Variants in PPARGC1B observed in about 807,000 individuals in gnomAD.
PPARGC1B encodes peroxisome proliferator-activated receptor gamma coactivator 1-beta.
Under a neutral mutation model 101.6 loss-of-function variants are expected in PPARGC1B, and 34 were observed. That is an observed-to-expected ratio of 0.33 (90% CI 0.25 to 0.45). The LOEUF (loss-of-function observed/expected upper bound fraction) is 0.45. Ranked by LOEUF, PPARGC1B falls within the 20% of genes least tolerant of loss-of-function variation. PPARGC1B has a pLI of 1.00. For synonymous variants in PPARGC1B, 548 were observed against 539.3 expected (o/e 1.02, Z -0.22); for missense variants, 1,234 against 1,317.6 (o/e 0.94, Z 0.98).
At chr5:149,746,364 T>A (rs530171628) in intron 1 of PPARGC1B, among the ~76,000 whole-genome samples, 46 of 152,358 alleles carry the variant, frequency 3.0e-4, no homozygotes, top group Admixed American at 4.6e-4. Context: ...ATTTGTCTTT[T>A]TGTGGCTGGC....
chr5:149,786,666 A>T (rs10747516), intron 1 of PPARGC1B, among the ~76,000 whole-genome samples: 68,089 of 152,132 alleles, frequency 0.45, 15,492 homozygotes, highest in East Asian at 0.7. Context: ...ACTGGACATG[A>T]GCTGCTGATG....
intron 1 of PPARGC1B, among the ~76,000 whole-genome samples, chr5:149,736,597 CT>C (rs1292451870): frequency 6.6e-6 from 1 of 152,146 alleles, no homozygotes; most frequent in Non-Finnish European, 1.5e-5. Flanking sequence ...CTGTTTGTAA[CT>C]AGATTCCTGC....
intron 1 of PPARGC1B, among the ~76,000 whole-genome samples, chr5:149,742,982 T>A (rs1754961955): frequency 6.6e-6 from 1 of 151,414 alleles, no homozygotes; most frequent in Non-Finnish European, 1.5e-5. Context: ...GGGCTCAGAG[T>A]GGTGCCCTCA....
chr5:149,777,595 C>T (rs994165097), intron 1 of PPARGC1B, among the ~76,000 whole-genome samples: 1 of 152,028 alleles, frequency 6.6e-6, no homozygotes. Context: ...CTCATGGGTC[C>T]CAGAGGCCTC....
intron 2 of PPARGC1B, among the ~76,000 whole-genome samples, chr5:149,822,439 G>C (rs1317740266): frequency 6.6e-6 from 1 of 152,180 alleles, no homozygotes; most frequent in Non-Finnish European, 1.5e-5. Flanking sequence ...GACTAGACTA[G>C]CTCTATCCAT....
chr5:149,842,186 G>A, intron 9 of PPARGC1B, 70 bp from the exon 10 acceptor site: 2 of 1,587,226 alleles, frequency 1.3e-6, no homozygotes, highest in Non-Finnish European at 1.7e-6. Context: ...CTCCACGGGA[G>A]CCCACTCCCA....
At chr5:149,780,546 CTGT>C (rs932921130) in intron 1 of PPARGC1B, among the ~76,000 whole-genome samples, 3 of 152,164 alleles carry the variant, frequency 2.0e-5, no homozygotes, top group African/African-American at 7.2e-5. Context: ...TCTGTTATTC[CTGT>C]TGTTCTAGTT....
rs946258846 is a variant in PPARGC1B, at chr5:149,836,350, T to C, written c.1895T>C (p.Ile632Thr). 9.9e-6 allele frequency: 16 copies of C among 1,613,770 alleles called. No homozygotes were observed. In the Admixed American group the frequency reaches 2.5e-4, roughly 25 times the overall value. The part of the protein sequence containing the change: ...PDIKHSLGKE[I>T]ALSLPSPEGL... ...ATCAAGCATAGTCTAGGCAAAGAAA[T>C]AGCTCTCAGCCTCCCCTCCCCTGAG... The change falls in exon 8 of 12, where the codon ATA (isoleucine) becomes ACA (threonine). Residue 632 changes from isoleucine to threonine, a missense_variant. Physicochemically the swap from Ile to Thr is moderately conservative, Grantham distance 89. Around this residue, in one of 3 missense-constraint regions of PPARGC1B, gnomAD observed 497 missense variants for 529.5 expected, o/e 0.94. Transcript: ENST00000309241.
Position 149,826,857 on chromosome 5 carries a change from C to T in PPARGC1B, c.437C>T (p.Pro146Leu). The change falls in exon 3 of 12, where the codon CCA becomes CTA. Residue 146 changes from proline (P) to leucine (L), a missense_variant. Coordinates refer to ENST00000309241, the MANE Select transcript of PPARGC1B (RefSeq NM_133263.4). ...PSPAPEKPSAPAPEVDELSLL... is the reference protein window; with the variant it reads ...PSPAPEKPSALAPEVDELSLL... ...CCTGCCCCGGAGAAGCCCTCGGCCC[C>T]AGCCCCTGAGGTGGACGAGCTCTCA... 6.2e-7 allele frequency: 1 copy of T among 1,613,282 alleles called. No homozygotes were observed. Among genetic ancestry groups the T allele is most frequent in the South Asian group, 1.1e-5 (1 of 91,014 alleles).
At chr5:149,783,068 A>G (rs980481688) in intron 1 of PPARGC1B, among the ~76,000 whole-genome samples, 2 of 148,924 alleles carry the variant, frequency 1.3e-5, no homozygotes, top group African/African-American at 5.0e-5. Flanking sequence ...CCTGGTATTG[A>G]TGTCACACTG....
intron 1 of PPARGC1B, among the ~76,000 whole-genome samples, chr5:149,755,059 A>ATATATG (rs1333902542): frequency 9.5e-6 from 1 of 104,984 alleles, no homozygotes; most frequent in Non-Finnish European, 2.0e-5. Flanking sequence ...ATACATATAT[A>ATATATG]TATATATATA....
chr5:149,846,085 C>A, intron 11 of PPARGC1B, 171 bp downstream of exon 11: 4 of 724,570 alleles, frequency 5.5e-6, no homozygotes, highest in South Asian at 1.7e-5. Context: ...GACTACCATC[C>A]TGTTTCTCTT....
At chr5:149,802,799 G>A (rs1218895615) in intron 1 of PPARGC1B, among the ~76,000 whole-genome samples, 1 of 152,120 alleles carries the variant, frequency 6.6e-6, no homozygotes, top group Non-Finnish European at 1.5e-5. Flanking sequence ...TGAATCACCT[G>A]AGTATTTTGT....
Position 149,832,581 on chromosome 5 carries a change from A to C in PPARGC1B, c.583-75A>C. Reference sequence around the variant, plus strand: ...CCAGGTGAGACACAATGGGCCAGCCAGTGACCATGCGGATGAGACACATGG... The same window carrying C: ...CCAGGTGAGACACAATGGGCCAGCCCGTGACCATGCGGATGAGACACATGG... On this transcript the variant is annotated intron_variant, in intron 4 of 11. Transcript: ENST00000309241. This position sits in a 1 kb window ranked among gnomAD's most constrained non-coding sequence, Gnocchi z 4.9. The C allele has an allele frequency of 8.0e-7, 1 of 1,243,802 alleles. No individual in the cohort carries two copies. The highest frequency in any genetic ancestry group is 1.1e-6 in the Non-Finnish European group (1 of 897,048). The allele number at this position is 1,243,802 out of a possible 1,614,324, so 77.0% of individuals were successfully genotyped here. A position where few individuals can be genotyped will look rare whatever the true frequency, so the allele number is the denominator to read the frequency against.
At chr5:149,762,792 C>T (rs939764507) in intron 1 of PPARGC1B, among the ~76,000 whole-genome samples, 1 of 152,050 alleles carries the variant, frequency 6.6e-6, no homozygotes, top group Non-Finnish European at 1.5e-5. Flanking sequence ...GGTTCTCCCC[C>T]ACCCCTTTTT....
rs193135220 is a variant in PPARGC1B at position 149,787,509 on chromosome 5, C to T, written c.79-32924C>T. ...ACAAATTACCTACCATACCTTTTGC[C>T]GGTGTCTATTGTCACACAGAGGTGA... On this transcript the variant is annotated intron_variant, in intron 1 of 11. Coordinates refer to ENST00000309241, the MANE Select transcript of PPARGC1B (RefSeq NM_133263.4). 1.8e-4 allele frequency among the ~76,000 whole-genome samples: 28 copies of T among 152,324 alleles called. No individual in the cohort carries two copies. The East Asian group carries it at 2.7e-3, about 15-fold the overall frequency.
downstream of PPARGC1B, among the ~76,000 whole-genome samples, chr5:149,855,983 G>A (rs1272564765): frequency 6.6e-6 from 1 of 152,126 alleles, no homozygotes; most frequent in East Asian, 1.9e-4. Context: ...CCGGCGTGGT[G>A]AGGGGCGCCT....
At chr5:149,839,069 G>A (rs1442191652) in intron 8 of PPARGC1B, among the ~76,000 whole-genome samples, 1 of 152,216 alleles carries the variant, frequency 6.6e-6, no homozygotes, top group Admixed American at 6.5e-5. Flanking sequence ...AGGTGCACCT[G>A]GAGGTATCTG....
chr5:149,817,283 G>C lies in PPARGC1B; in HGVS notation c.79-3150G>C, dbSNP rs192598619. Among the ~76,000 whole-genome samples, 48 of 152,196 alleles carry C rather than the reference G, an allele frequency of 3.2e-4. No individual in the cohort carries two copies. The Middle Eastern group carries it at 0.01, about 32-fold the overall frequency. On this transcript the variant is annotated intron_variant, in intron 1 of 11. Coordinates refer to ENST00000309241, the MANE Select transcript of PPARGC1B (RefSeq NM_133263.4). ...GCTGAGGTGGGATGAGACAAGCCTG[G>C]GCAACATAGAGAGACCCCTGTCTGT...
Sources: gnomAD v4.1 joint callset for allele counts (sites outside exome capture counted in the v4.1 genomes callset) on GRCh38, gnomAD v4.1.1 for gene constraint, gnomAD v4.1.1 regional missense constraint, Gnocchi (gnomAD v3.1) non-coding constraint, MANE v1.5 for transcripts, NCBI Gene and HGNC (gene_info 2026-07-23, HGNC 2026-07-21) for gene names.